Variants in RET observed in about 807,000 individuals in gnomAD.
The protein encoded by RET is proto-oncogene tyrosine-protein kinase receptor Ret.
In RET, 19 loss-of-function variants were observed where a neutral mutation model predicts 118.3. The ratio of observed to expected loss-of-function variants is 0.16; its 90% confidence interval spans 0.11 to 0.24. The LOEUF (loss-of-function observed/expected upper bound fraction) is 0.24, where lower values mean the gene tolerates loss of function less well. Ranked by LOEUF, RET falls within the 10% of genes least tolerant of loss-of-function variation. The pLI, the probability that RET is intolerant of heterozygous loss-of-function variation, is 1.00. For missense variants in RET, 1,219 were observed against 1,502.1 expected (o/e 0.81, Z 3.12); for synonymous variants, 597 against 644.1 (o/e 0.93, Z 1.11).
intron 13 of RET, 47 bp downstream of exon 13, chr10:43,118,527 G>GTATGGAGCCCCCAGCCT: frequency 7.1e-7 from 1 of 1,403,096 alleles, no homozygotes; most frequent in Non-Finnish European, 1.0e-6. Flanking sequence ...CACCCAGGCT[G>GTATGGAGCCCCCAGCCT]GGGGCTCCAT....
chr10:43,120,869 C>A (rs867315408), intron 15 of RET, among the ~76,000 whole-genome samples: 1 of 151,898 alleles, frequency 6.6e-6, no homozygotes, highest in South Asian at 2.1e-4. Context: ...CCAGGCAGGG[C>A]AAGTTCAAGG....
In RET at chr10:43,114,537, T is replaced by C. The variant is rs2132846530; in HGVS notation, c.1937T>C (p.Phe646Ser). ...ATCGCAGCCGCTGTCCTCTTCTCCT[T>C]CATCGTCTCGGTGCTGCTGTCTGCC... Reference protein sequence around the residue: ...TVIAAAVLFSFIVSVLLSAFC... With the variant: ...TVIAAAVLFSSIVSVLLSAFC... Residue 646 changes from phenylalanine (F) to serine (S), a missense_variant, in exon 11 of 20, where the codon TTC becomes TCC. Around this residue, in one of 5 missense-constraint regions of RET, gnomAD observed 850 missense variants for 969.6 expected, o/e 0.88. Coordinates refer to ENST00000355710, the MANE Select transcript of RET (RefSeq NM_020975.6). This position sits in a 1 kb window ranked among gnomAD's most constrained non-coding sequence, Gnocchi z 4.6. 1 of 1,610,106 alleles carries C rather than the reference T, an allele frequency of 6.2e-7. No homozygotes were observed. Among genetic ancestry groups the C allele is most frequent in the Non-Finnish European group, 8.5e-7 (1 of 1,179,878 alleles).
chr10:43,107,375 A>C (rs571870444), intron 5 of RET, among the ~76,000 whole-genome samples: 1 of 152,282 alleles, frequency 6.6e-6, no homozygotes, highest in Admixed American at 6.5e-5. Flanking sequence ...TGAGATCCAC[A>C]GTGGCAGCAC....
At chr10:43,111,532 CT>C in intron 7 of RET, 67 bp downstream of exon 7, 2 of 1,538,132 alleles carry the variant, frequency 1.3e-6, no homozygotes, top group Non-Finnish European at 1.8e-6. Flanking sequence ...GCCTCCTGCC[CT>C]TTGAGAAAAG....
At position 43,128,837 on chromosome 10, in the gene RET, C is replaced by T. The variant is rs533907181; in HGVS notation, c.*568C>T. The T allele has an allele frequency of 1.7e-4, 40 of 239,736 alleles. No individual in the cohort carries two copies. The highest frequency in any genetic ancestry group is 7.3e-4 in the African/African-American group (33 of 45,192). 14.9% of individuals were successfully genotyped at this position (239,736 alleles called of 1,614,324 possible). On this transcript the variant is annotated 3_prime_UTR_variant, in exon 20 of 20. Transcript: ENST00000355710. ...GGGGCCCCGAGGATGGGCCTGGGCT[C>T]AGCATTCGAGATCTTGAGAATGATT... is the stretch of plus-strand genomic sequence containing the variant.
intron 6 of RET, 143 bp from the exon 7 acceptor site, chr10:43,111,064 A>AG (rs1837906147): frequency 8.8e-7 from 1 of 1,140,568 alleles, no homozygotes; most frequent in Admixed American, 1.9e-5. Context: ...TGAGGGGTGG[A>AG]GGACAGGGTG....
chr10:43,127,274 A>G (rs1838356493), intron 19 of RET: 5 of 1,069,508 alleles, frequency 4.7e-6, no homozygotes, highest in Non-Finnish European at 5.7e-6. Flanking sequence ...CATCAGGGGT[A>G]GCGAGGTTGC....
chr10:43,123,639 G>A, intron 16 of RET, 32 bp from the exon 17 acceptor site: 1 of 1,613,928 alleles, frequency 6.2e-7, no homozygotes, highest in Non-Finnish European at 8.5e-7. Flanking sequence ...GGGCCAGGTG[G>A]AGCCACTCAC....
intron 1 of RET, 71 bp from the exon 2 acceptor site, chr10:43,100,388 A>ATTTTTTTTTT (rs57003029): frequency 7.1e-7 from 1 of 1,399,784 alleles, no homozygotes; most frequent in African/African-American, 1.5e-5. Context: ...TAAATTAATG[A>ATTTTTTTTTT]TTTTTTTTTT....
In RET at chr10:43,128,966, C is replaced by G. The variant is rs949437288; in HGVS notation, c.*697C>G. 1 of 238,010 alleles carries G rather than the reference C, an allele frequency of 4.2e-6. No individual in the cohort carries two copies. Among genetic ancestry groups the G allele is most frequent in the African/African-American group, 2.2e-5 (1 of 45,274 alleles). The allele number at this position is 238,010 out of a possible 1,614,324, so 14.7% of individuals were successfully genotyped here. The stretch of plus-strand genomic sequence containing the variant: ...ATGGAGAGATTCCATGCCATCTTTA[C>G]TATGTGGATGGTGGTATCAGGGAAG... On this transcript the variant is annotated 3_prime_UTR_variant, in exon 20 of 20. Transcript: ENST00000355710.
At position 43,128,180 on chromosome 10, in the gene RET, G is replaced by A. The variant is rs778452896; in HGVS notation, c.3256G>A (p.Gly1086Arg). The A allele has an allele frequency of 6.2e-6, 10 of 1,614,156 alleles. No homozygotes were observed. Among genetic ancestry groups the A allele is most frequent in the Non-Finnish European group, 2.5e-6 (3 of 1,180,020 alleles). ...CACGAGAGCTGATGGCACTAACACT[G>A]GGTTTCCAAGATATCCAAATGATAG... ...PLTRADGTNT[G>R]FPRYPNDSVY... The change falls in exon 20 of 20, where the codon GGG (glycine) becomes AGG (arginine). Residue 1086 changes from glycine (G) to arginine (R), a missense_variant. Around this residue, in one of 5 missense-constraint regions of RET, gnomAD observed 174 missense variants for 179.3 expected, o/e 0.97. Coordinates refer to ENST00000355710, the MANE Select transcript of RET (RefSeq NM_020975.6).
chr10:43,099,978 A>T (rs959580438), intron 1 of RET, among the ~76,000 whole-genome samples: 1 of 152,164 alleles, frequency 6.6e-6, no homozygotes, highest in Non-Finnish European at 1.5e-5. Flanking sequence ...ATTTCCAACT[A>T]TGGCATTTGA....
rs2132765070 is a variant in RET, at chr10:43,111,193, C to T, written c.1264-14C>T. The stretch of plus-strand genomic sequence containing the variant: ...CCAGCTGCCTGGCTAAGGTGTTCCC[C>T]TGTGCCCCCCTAGATCGGGAAAGTC... On this transcript the variant is annotated splice_polypyrimidine_tract_variant and intron_variant, in intron 6 of 19. Transcript: ENST00000355710. 6.2e-7 allele frequency: 1 copy of T among 1,613,530 alleles called. No individual in the cohort carries two copies. Among genetic ancestry groups the T allele is most frequent in the African/African-American group, 1.3e-5 (1 of 75,060 alleles).
chr10:43,124,249 A>G (rs1193905909), intron 17 of RET, among the ~76,000 whole-genome samples: 1 of 152,110 alleles, frequency 6.6e-6, no homozygotes, highest in African/African-American at 2.4e-5. Flanking sequence ...CAGGCTGAGA[A>G]CAGATGAGAA....
chr10:43,084,715 T>A (rs565181358), intron 1 of RET, among the ~76,000 whole-genome samples: 1 of 152,298 alleles, frequency 6.6e-6, no homozygotes, highest in South Asian at 2.1e-4. Flanking sequence ...GAATCACCAC[T>A]GCCCTCGAGG....
chr10:43,107,391 A>G (rs1349913495), intron 5 of RET, among the ~76,000 whole-genome samples: 1 of 152,148 alleles, frequency 6.6e-6, no homozygotes, highest in Non-Finnish European at 1.5e-5. Flanking sequence ...AGCACGCGGC[A>G]GGTACACCGA....
At chr10:43,087,576 T>C (rs1412379608) in intron 1 of RET, among the ~76,000 whole-genome samples, 1 of 152,220 alleles carries the variant, frequency 6.6e-6, no homozygotes, top group African/African-American at 2.4e-5. Flanking sequence ...AAGGAGGTAT[T>C]GACTTGTTAG....
chr10:43,117,286 A>G (rs923568425), intron 12 of RET, among the ~76,000 whole-genome samples: 8 of 152,040 alleles, frequency 5.3e-5, no homozygotes, highest in Admixed American at 1.3e-4. Context: ...GTTGGTGTAC[A>G]TAACAATTAT....
chr10:43,127,460 T>C, intron 19 of RET: 1 of 1,048,588 alleles, frequency 9.5e-7, no homozygotes, highest in Non-Finnish European at 1.2e-6. Context: ...AATATGGTTC[T>C]TGCCAAAACT....
Sources: allele counts gnomAD v4.1 joint callset (sites outside exome capture counted in the v4.1 genomes callset), GRCh38; gene constraint gnomAD v4.1.1; regional missense constraint gnomAD v4.1.1; non-coding constraint Gnocchi (gnomAD v3.1); transcripts MANE v1.5; gene names NCBI Gene and HGNC (gene_info 2026-07-23, HGNC 2026-07-21).